NR2F1-AS1: variants seen among roughly 807,000 people sequenced by gnomAD.
The protein encoded by NR2F1-AS1 is NR2F1 antisense RNA 1.
chr5:93,500,353 A>T (rs933573455), intron 4 of NR2F1-AS1, among the ~76,000 whole-genome samples: 1 of 152,156 alleles, frequency 6.6e-6, no homozygotes, highest in Non-Finnish European at 1.5e-5. Context: ...AATTATGCTA[A>T]ATCTTTTGTG....
chr5:93,440,455 T>G (rs1161785685), intron 4 of NR2F1-AS1, among the ~76,000 whole-genome samples: 1 of 152,222 alleles, frequency 6.6e-6, no homozygotes, highest in Non-Finnish European at 1.5e-5. Flanking sequence ...GAAGGAATTC[T>G]TTCTCTCTAC....
At chr5:93,443,424 C>T (rs775960796) in intron 4 of NR2F1-AS1, among the ~76,000 whole-genome samples, 4 of 151,886 alleles carry the variant, frequency 2.6e-5, no homozygotes, top group Non-Finnish European at 5.9e-5. Flanking sequence ...GTAGCCGATT[C>T]GTTCAAGTGG....
intron 4 of NR2F1-AS1, among the ~76,000 whole-genome samples, chr5:93,462,220 G>A (rs1446533630): frequency 2.6e-5 from 4 of 152,158 alleles, no homozygotes; most frequent in Non-Finnish European, 5.9e-5. Context: ...CTGGTGGGAG[G>A]TGATTGAGTT....
chr5:93,522,302 T>C (rs1202857878), intron 4 of NR2F1-AS1, among the ~76,000 whole-genome samples: 1 of 152,172 alleles, frequency 6.6e-6, no homozygotes, highest in Non-Finnish European at 1.5e-5. Flanking sequence ...AACAAACCCC[T>C]GTGACATGAG....
intron 1 of NR2F1-AS1, among the ~76,000 whole-genome samples, chr5:93,567,231 T>A (rs1580340586): frequency 6.6e-6 from 1 of 152,118 alleles, no homozygotes; most frequent in Non-Finnish European, 1.5e-5. Flanking sequence ...AACACCTTTT[T>A]TTTTCCTGGG....
At chr5:93,442,712 T>C (rs1193759012) in intron 4 of NR2F1-AS1, among the ~76,000 whole-genome samples, 1 of 152,074 alleles carries the variant, frequency 6.6e-6, no homozygotes, top group Non-Finnish European at 1.5e-5. Flanking sequence ...CAGCACAGAG[T>C]TTGAGATCTG....
intron 4 of NR2F1-AS1, among the ~76,000 whole-genome samples, chr5:93,486,345 T>C (rs935343902): frequency 5.3e-5 from 8 of 151,978 alleles, no homozygotes; most frequent in African/African-American, 1.9e-4. Context: ...AACAGACTGC[T>C]AGCCAGACTA....
intron 4 of NR2F1-AS1, among the ~76,000 whole-genome samples, chr5:93,425,255 A>C (rs191802890): frequency 6.6e-6 from 1 of 152,106 alleles, no homozygotes; most frequent in Non-Finnish European, 1.5e-5. Flanking sequence ...AGATGATCTC[A>C]CTCGCATGTT....
At chr5:93,484,555 A>G (rs1335207428) in intron 4 of NR2F1-AS1, among the ~76,000 whole-genome samples, 2 of 152,170 alleles carry the variant, frequency 1.3e-5, no homozygotes, top group African/African-American at 2.4e-5. Flanking sequence ...AACGAGCAAA[A>G]TAACCACCTA....
At chr5:93,512,522 T>A (rs961309793) in intron 4 of NR2F1-AS1, among the ~76,000 whole-genome samples, 1 of 152,188 alleles carries the variant, frequency 6.6e-6, no homozygotes, top group Non-Finnish European at 1.5e-5. Context: ...ATAAATTTAG[T>A]ATAGCCTAAG....
At chr5:93,522,173 A>C (rs986728750) in intron 4 of NR2F1-AS1, among the ~76,000 whole-genome samples, 2 of 152,144 alleles carry the variant, frequency 1.3e-5, no homozygotes, top group Non-Finnish European at 2.9e-5. Flanking sequence ...ATGAACACAA[A>C]GAAGGGAACA....
At chr5:93,551,675 G>C (rs1752233398) in intron 4 of NR2F1-AS1, among the ~76,000 whole-genome samples, 1 of 152,008 alleles carries the variant, frequency 6.6e-6, no homozygotes, top group Non-Finnish European at 1.5e-5. Context: ...AAGCAGAAGG[G>C]TCCTTTTCCA....
At chr5:93,411,372 A>C (rs1748852364) in intron 4 of NR2F1-AS1, 1 of 152,058 alleles carries the variant, frequency 6.6e-6, no homozygotes, top group South Asian at 2.1e-4. Context: ...CGGCATTCTT[A>C]ATGTCTTGAT....
At chr5:93,574,430 C>T (rs991685236) in intron 1 of NR2F1-AS1, among the ~76,000 whole-genome samples, 1 of 152,202 alleles carries the variant, frequency 6.6e-6, no homozygotes, top group African/African-American at 2.4e-5. Flanking sequence ...ACTGGGTTCT[C>T]AACTCACCCC....
intron 4 of NR2F1-AS1, among the ~76,000 whole-genome samples, chr5:93,519,067 A>G (rs1462029550): frequency 6.6e-6 from 1 of 152,140 alleles, no homozygotes. Context: ...CATATGGTCA[A>G]AATCCCTTAA....
At chr5:93,520,803 T>G (rs963733393) in intron 4 of NR2F1-AS1, among the ~76,000 whole-genome samples, 131 of 152,266 alleles carry the variant, frequency 8.6e-4, no homozygotes, top group African/African-American at 3.0e-3. Context: ...AAAATACAGC[T>G]TCTACATATT....
At chr5:93,493,292 C>T (rs1012462663) in intron 4 of NR2F1-AS1, among the ~76,000 whole-genome samples, 18 of 151,892 alleles carry the variant, frequency 1.2e-4, no homozygotes, top group Admixed American at 9.2e-4. Context: ...TTTACAATAG[C>T]ACCCAAAAGA....
At chr5:93,505,516 CA>C (rs1211673309) in intron 4 of NR2F1-AS1, among the ~76,000 whole-genome samples, 1 of 151,438 alleles carries the variant, frequency 6.6e-6, no homozygotes, top group Non-Finnish European at 1.5e-5. Context: ...GCCCCTGCAG[CA>C]AACTTTTGTC....
At chr5:93,505,404 AC>A (rs1751165282) in intron 4 of NR2F1-AS1, among the ~76,000 whole-genome samples, 1 of 152,104 alleles carries the variant, frequency 6.6e-6, no homozygotes, top group African/African-American at 2.4e-5. Flanking sequence ...CCCTCTTCTC[AC>A]AGCTCCACTA....
Sources: allele counts gnomAD v4.1 joint callset (sites outside exome capture counted in the v4.1 genomes callset), GRCh38; gene constraint gnomAD v4.1.1; transcripts MANE v1.5; gene names NCBI Gene and HGNC (gene_info 2026-07-23, HGNC 2026-07-21).